The following HDAC8 variants were observed in gnomAD, a reference collection of about 807,000 sequenced individuals.
The protein encoded by HDAC8 is histone deacetylase 8, also known as histone deacetylase-like 1.
A neutral mutation model predicts 32.2 loss-of-function variants in HDAC8; 1 was observed. The observed-to-expected ratio is 0.03, with a 90% CI of 0.01 to 0.15. The LOEUF (loss-of-function observed/expected upper bound fraction) is 0.15. HDAC8 is among the 10% of genes least tolerant of loss of function. HDAC8 has a pLI of 1.00. For synonymous variants in HDAC8, 108 were observed against 113.9 expected, an observed-to-expected ratio of 0.95 and a Z score of 0.33; for missense variants, 117 against 300.0, an observed-to-expected ratio of 0.39 and a Z score of 4.51.
intron 6 of HDAC8, 126 bp from the exon 7 acceptor site, chrX:72,489,167 T>C (rs947104460): frequency 2.5e-5 from 12 of 482,621 alleles, no homozygotes; most frequent in African/African-American, 4.9e-5. Context: ...GAAGTAAGTA[T>C]TGTAAACAAT....
chrX:72,511,751 C>A (rs1398299467), intron 4 of HDAC8, among the ~76,000 whole-genome samples: 3 of 112,067 alleles, frequency 2.7e-5, no homozygotes, highest in African/African-American at 9.7e-5. Context: ...TGACACACAA[C>A]AAAAACACAT....
At chrX:72,571,476 T>A (rs1387751754) in intron 2 of HDAC8, among the ~76,000 whole-genome samples, 1 of 110,189 alleles carries the variant, frequency 9.1e-6, no homozygotes, top group Non-Finnish European at 1.9e-5. Context: ...CGAGCTGTAT[T>A]TCTAATGAAC....
chrX:72,496,350 C>T (rs2049018916), intron 4 of HDAC8, among the ~76,000 whole-genome samples: 1 of 110,060 alleles, frequency 9.1e-6, no homozygotes, highest in African/African-American at 3.3e-5. Context: ...CACTGGCAAG[C>T]AGAAGGTTGG....
intron 8 of HDAC8, among the ~76,000 whole-genome samples, chrX:72,464,328 ATTTAGAC>A (rs1682636135): frequency 8.9e-6 from 1 of 112,034 alleles, no homozygotes; most frequent in African/African-American, 3.2e-5. Context: ...AGGAATTGAA[ATTTAGAC>A]TTTAGAGTGC....
intron 10 of HDAC8, among the ~76,000 whole-genome samples, chrX:72,350,494 C>T (rs181714400): frequency 1.8e-5 from 2 of 110,947 alleles, no homozygotes; most frequent in African/African-American, 6.6e-5. Context: ...GATTATATTC[C>T]AGCGAGGGAC....
At chrX:72,358,726 C>A (rs1176133143) in intron 9 of HDAC8, among the ~76,000 whole-genome samples, 1 of 112,381 alleles carries the variant, frequency 8.9e-6, no homozygotes, top group Non-Finnish European at 1.9e-5. Flanking sequence ...AGTCCCCAAC[C>A]TTTTTGGCAT....
intron 9 of HDAC8, among the ~76,000 whole-genome samples, chrX:72,403,780 T>C (rs2045968199): frequency 9.0e-6 from 1 of 111,565 alleles, no homozygotes; most frequent in Non-Finnish European, 1.9e-5. Context: ...TGAGCTGAGA[T>C]TGTGCCACTG....
At chrX:72,393,055 T>C (rs1744842952) in intron 9 of HDAC8, among the ~76,000 whole-genome samples, 1 of 111,808 alleles carries the variant, frequency 8.9e-6, no homozygotes, top group Non-Finnish European at 1.9e-5. Flanking sequence ...TATTCAGCGT[T>C]GGTAGTTTAA....
intron 2 of HDAC8, among the ~76,000 whole-genome samples, chrX:72,571,012 C>A (rs2052015213): frequency 8.9e-6 from 1 of 112,045 alleles, no homozygotes; most frequent in South Asian, 3.7e-4. Flanking sequence ...GCAAGCTCCG[C>A]CTCTCGGGTT....
chrX:72,518,022 A>G (rs1556026298), intron 4 of HDAC8, among the ~76,000 whole-genome samples: 1 of 111,766 alleles, frequency 8.9e-6, no homozygotes, highest in Non-Finnish European at 1.9e-5. Context: ...TGAACATGAG[A>G]TCTCATTATA....
intron 4 of HDAC8, among the ~76,000 whole-genome samples, chrX:72,530,228 G>A (rs145605844): frequency 6.0e-4 from 67 of 111,817 alleles, no homozygotes; most frequent in African/African-American, 2.1e-3. Flanking sequence ...GCAGTTTACT[G>A]TCTGCCTACC....
rs2048983561 is a variant in HDAC8, at chrX:72,495,187, G to A, written c.519C>T (p.Leu173=). Residue 173 remains leucine (L), a synonymous_variant, in exon 5 of 11, where the codon CTC becomes CTT. Transcript: ENST00000373573. ...LRLRRKFERI[L]YVDLDLHHGD... ...CATGGTGCAGATCCAAATCCACGTAGAGAATACGCTCAAATTTCCGTCGCA... is the reference window on the plus strand; with the variant it reads ...CATGGTGCAGATCCAAATCCACGTAAAGAATACGCTCAAATTTCCGTCGCA... The A allele has an allele frequency of 1.7e-6, 2 of 1,207,310 alleles. No homozygotes were observed. The highest frequency in any genetic ancestry group is 2.2e-6 in the Non-Finnish European group (2 of 892,075).
At chrX:72,370,034 C>T (rs782554489) in intron 9 of HDAC8, among the ~76,000 whole-genome samples, 15 of 111,939 alleles carry the variant, frequency 1.3e-4, no homozygotes, top group Non-Finnish European at 2.6e-4. Context: ...CCCTCCACCC[C>T]TTATTGGGGA....
chrX:72,389,029 A>G (rs1440726081), intron 9 of HDAC8, among the ~76,000 whole-genome samples: 1 of 112,194 alleles, frequency 8.9e-6, no homozygotes, highest in African/African-American at 3.2e-5. Context: ...CTACATTATT[A>G]ATACTTGTTT....
At position 72,365,635 on chromosome X, in the gene HDAC8, G is replaced by A. The variant is rs971471308; in HGVS notation, c.1006-13797C>T. Among the ~76,000 whole-genome samples, 5 of 112,013 alleles carry A rather than the reference G, an allele frequency of 4.5e-5. No individual in the cohort carries two copies. In the Admixed American group the frequency reaches 4.7e-4, roughly 11 times the overall value. On this transcript the variant is annotated intron_variant, in intron 9 of 10. Coordinates refer to ENST00000373573, the MANE Select transcript of HDAC8 (RefSeq NM_018486.3). Reference sequence around the variant, plus strand: ...GGAATAAGGACAATGAAGATATACTGTAAACAAGTCATCAAAAATTAATTT... The same window carrying A: ...GGAATAAGGACAATGAAGATATACTATAAACAAGTCATCAAAAATTAATTT...
At chrX:72,523,034 T>G (rs1380180215) in intron 4 of HDAC8, among the ~76,000 whole-genome samples, 1 of 112,280 alleles carries the variant, frequency 8.9e-6, no homozygotes, top group African/African-American at 3.2e-5. Flanking sequence ...TTTATGTTGC[T>G]TTTGCTATCA....
intron 4 of HDAC8, among the ~76,000 whole-genome samples, chrX:72,559,754 C>T (rs1290401488): frequency 9.2e-6 from 1 of 108,807 alleles, no homozygotes; most frequent in East Asian, 2.9e-4. Context: ...CATCTCTGCC[C>T]GGCCGCCCCG....
chrX:72,527,954 T>C (rs115397143), intron 4 of HDAC8, among the ~76,000 whole-genome samples: 1,835 of 109,480 alleles, frequency 0.017, 41 homozygotes, highest in African/African-American at 0.056. Flanking sequence ...TTTTGTTTTT[T>C]AAGTAGACAC....
chrX:72,446,558 A>T (rs782580717), intron 9 of HDAC8, among the ~76,000 whole-genome samples: 3 of 110,749 alleles, frequency 2.7e-5, no homozygotes, highest in African/African-American at 9.9e-5. Context: ...CGGGGGAGGG[A>T]TAGCATTAGG....
Sources: gnomAD v4.1 joint callset for allele counts (sites outside exome capture counted in the v4.1 genomes callset) on GRCh38, gnomAD v4.1.1 for gene constraint, MANE v1.5 for transcripts, NCBI Gene and HGNC (gene_info 2026-07-23, HGNC 2026-07-21) for gene names.